Variants in NUMA1 observed in about 807,000 individuals in gnomAD.
The protein encoded by NUMA1 is nuclear mitotic apparatus protein 1.
NUMA1 carries 62 observed loss-of-function variants against 237.1 expected under a neutral mutation model. The observed-to-expected ratio is 0.26, with a 90% confidence interval of 0.21 to 0.32. The LOEUF (loss-of-function observed/expected upper bound fraction) is 0.32, where lower values mean the gene tolerates loss of function less well. NUMA1 is among the 10% of genes least tolerant of loss of function. NUMA1 has a pLI of 1.00. For synonymous variants in NUMA1, 1,028 were observed against 1,066.1 expected (o/e 0.96, Z 0.70); for missense variants, 2,533 against 2,666.5 (o/e 0.95, Z 1.10).
In NUMA1 at chr11:72,015,143, C is replaced by T. The variant is rs200110896; in HGVS notation, c.2360G>A (p.Arg787Gln). ...AHQAETEVLR[R>Q]ELAEAMAAQH... The stretch of plus-strand genomic sequence containing the variant: ...GGCAGCCATGGCCTCTGCCAGCTCC[C>T]GCCGCAGGACTTCAGTCTCAGCCTG... Residue 787 changes from arginine to glutamine, a missense_variant, in exon 15 of 27, where the codon CGG becomes CAG. By Grantham distance (43) the Arg-to-Gln change is conservative. This residue lies in a region of NUMA1 where 1,414 missense variants were observed against 1,508.1 expected (regional missense o/e 0.94). Coordinates refer to ENST00000393695, the MANE Select transcript of NUMA1 (RefSeq NM_006185.4). This position sits in a 1 kb window ranked among gnomAD's most constrained non-coding sequence, Gnocchi z 4.0. 6.3e-5 allele frequency: 102 copies of T among 1,613,442 alleles called. 1 individual carries two copies. In the Middle Eastern group the frequency reaches 6.6e-4, roughly 10 times the overall value.
At position 72,013,860 on chromosome 11, in the gene NUMA1, G is replaced by A. The variant is rs1359906978; in HGVS notation, c.3643C>T (p.Arg1215Trp). The A allele has an allele frequency of 1.2e-5, 19 of 1,613,360 alleles. 1 individual carries two copies. Among genetic ancestry groups the A allele is most frequent in the Admixed American group, 5.0e-5 (3 of 60,008 alleles). The change falls in exon 15 of 27, where the codon CGG (arginine) becomes TGG (tryptophan). Residue 1215 changes from arginine (R) to tryptophan (W), a missense_variant. This residue lies in a region of NUMA1 where 1,414 missense variants were observed against 1,508.1 expected (regional missense o/e 0.94). Coordinates refer to ENST00000393695, the MANE Select transcript of NUMA1 (RefSeq NM_006185.4). The surrounding 1 kb of genome is among the most constrained non-coding windows in gnomAD (Gnocchi z 6.8). ...TTCCTCTCAGCCTCTTGCCGGCCCCGGGCCACCTGGGCCTTCCACTCATCT... is the reference window on the plus strand; with the variant it reads ...TTCCTCTCAGCCTCTTGCCGGCCCCAGGCCACCTGGGCCTTCCACTCATCT... ...AEDEWKAQVA[R>W]GRQEAERKNS...
intron 1 of NUMA1, among the ~76,000 whole-genome samples, chr11:72,070,399 C>G (rs891924365): frequency 6.6e-6 from 1 of 152,212 alleles, no homozygotes; most frequent in Non-Finnish European, 1.5e-5. Context: ...CTGAATTGAT[C>G]AAGCCAGTCT....
intron 1 of NUMA1, among the ~76,000 whole-genome samples, chr11:72,076,145 G>A (rs190245249): frequency 3.3e-5 from 5 of 152,262 alleles, no homozygotes; most frequent in African/African-American, 1.2e-4. Flanking sequence ...AGGCTGAGGT[G>A]GGTGGATTGC....
At position 72,029,202 on chromosome 11, in the gene NUMA1, C is replaced by T. The variant is rs563165375; in HGVS notation, c.128+3G>A. On this transcript the variant is annotated splice_donor_region_variant and intron_variant, in intron 4 of 26. Coordinates refer to ENST00000393695, the MANE Select transcript of NUMA1 (RefSeq NM_006185.4). ...GCTAGAAAGGGGTATGGTGCGTACT[C>T]ACATTCTGTCAATGATCTTGATGAA... 8.7e-6 allele frequency: 14 copies of T among 1,609,266 alleles called. No homozygotes were observed. The South Asian group carries it at 1.5e-4, about 18-fold the overall frequency.
chr11:72,046,613 A>G (rs1407512431), intron 2 of NUMA1, among the ~76,000 whole-genome samples: 1 of 151,440 alleles, frequency 6.6e-6, no homozygotes, highest in African/African-American at 2.4e-5. Flanking sequence ...GAGAGAGAGA[A>G]AGGAACAAAG....
intron 22 of NUMA1, 129 bp from the exon 23 acceptor site, chr11:72,005,498 A>G: frequency 1.2e-6 from 1 of 830,990 alleles, no homozygotes; most frequent in South Asian, 1.6e-5. Flanking sequence ...AGTCTGATTC[A>G]GTGCCGCAGG....
intron 21 of NUMA1, 61 bp from the exon 22 acceptor site, chr11:72,006,324 A>G (rs747664267): frequency 4.9e-5 from 71 of 1,456,664 alleles, no homozygotes; most frequent in Non-Finnish European, 6.5e-5. Context: ...GAAGCTTCCC[A>G]TTCCCTTCCG....
At chr11:72,057,642 G>A (rs914749582) in intron 2 of NUMA1, among the ~76,000 whole-genome samples, 2 of 151,896 alleles carry the variant, frequency 1.3e-5, no homozygotes, top group Non-Finnish European at 1.5e-5. Flanking sequence ...TACTTGGGAG[G>A]CTGAGGCATG....
chr11:72,064,326 G>A (rs1348463066), intron 2 of NUMA1, among the ~76,000 whole-genome samples: 1 of 151,850 alleles, frequency 6.6e-6, no homozygotes, highest in African/African-American at 2.4e-5. Context: ...AGCTGGGCAT[G>A]ATGGCATGCG....
chr11:72,019,623 G>A lies in NUMA1; in HGVS notation c.461-6C>T. ...ACAGGTAGAAGGCACAGGAGCTGGG[G>A]GTAAGAAATAGACAAAATAAATCAA... On this transcript the variant is annotated splice_polypyrimidine_tract_variant and splice_region_variant and intron_variant, in intron 8 of 26. Transcript: ENST00000393695. 1.2e-6 allele frequency: 2 copies of A among 1,611,736 alleles called. No homozygotes were observed. The highest frequency in any genetic ancestry group is 1.7e-6 in the Non-Finnish European group (2 of 1,178,770).
In NUMA1 at chr11:72,080,040, A is replaced by G. The variant is rs188833137; in HGVS notation, c.-103+418T>C. On this transcript the variant is annotated intron_variant, in intron 1 of 26. Coordinates refer to ENST00000393695, the MANE Select transcript of NUMA1 (RefSeq NM_006185.4). ...AAGTATAACAGGTGGTTAGAAGATT[A>G]AAAAGATAAACATTTGGCAGGTCAT... 4.8e-4 allele frequency among the ~76,000 whole-genome samples: 73 copies of G among 152,314 alleles called. 1 individual carries two copies. The highest frequency in any genetic ancestry group is 2.9e-5 in the Non-Finnish European group (2 of 68,038).
chr11:72,004,715 C>G lies in NUMA1; in HGVS notation c.5931G>C (p.Glu1977Asp), dbSNP rs371124702. ...RASMQPIQIA[E>D]GTGITTRQQR... ...GCTGCCGGGTGGTGATGCCAGTGCCCTCGGCTATCTGGATTGGCTGCATGC... is the reference window on the plus strand; with the variant it reads ...GCTGCCGGGTGGTGATGCCAGTGCCGTCGGCTATCTGGATTGGCTGCATGC... The change falls in exon 24 of 27, where the codon GAG (glutamate) becomes GAC (aspartate). Residue 1977 changes from glutamate (E) to aspartate (D), a missense_variant. Physicochemically the swap from Glu to Asp is conservative, Grantham distance 45. Transcript: ENST00000393695. 65 of 1,613,722 alleles carry G rather than the reference C, an allele frequency of 4.0e-5. No homozygotes were observed. In the East Asian group the frequency reaches 4.2e-4, roughly 11 times the overall value.
intron 3 of NUMA1, among the ~76,000 whole-genome samples, chr11:72,031,886 T>C (rs1043319131): frequency 6.6e-6 from 1 of 151,620 alleles, no homozygotes; most frequent in African/African-American, 2.4e-5. Flanking sequence ...TCCCAGTGCT[T>C]TGGGAGGACG....
intron 1 of NUMA1, among the ~76,000 whole-genome samples, chr11:72,079,029 G>C (rs765885862): frequency 6.6e-6 from 1 of 152,238 alleles, no homozygotes; most frequent in Non-Finnish European, 1.5e-5. Flanking sequence ...TCAAGAGGGA[G>C]TGCCATTCCA....
At chr11:72,007,598 G>C (rs1955830209) in intron 20 of NUMA1, 163 bp from the exon 21 acceptor site, 4 of 867,788 alleles carry the variant, frequency 4.6e-6, no homozygotes, top group Admixed American at 2.5e-5. Context: ...CTTGACCTGG[G>C]CCTTCCTTTC....
rs1250210004 is a variant in NUMA1, at chr11:72,008,708, C to A, written c.5196G>T (p.Gly1732=). 6.2e-7 allele frequency: 1 copy of A among 1,614,140 alleles called. No homozygotes were observed. The highest frequency in any genetic ancestry group is 8.5e-7 in the Non-Finnish European group (1 of 1,180,034). ...CTGACCTGGTGATACTGAGTGGGGTCCCCTCCTCGCAGCTCAGATCCAGGC... is the reference window on the plus strand; with the variant it reads ...CTGACCTGGTGATACTGAGTGGGGTACCCTCCTCGCAGCTCAGATCCAGGC... ...IDSLDLSCEE[G]TPLSITSKLP... Residue 1732 remains glycine, a synonymous_variant, in exon 20 of 27, where the codon GGG becomes GGT. Coordinates refer to ENST00000393695, the MANE Select transcript of NUMA1 (RefSeq NM_006185.4).
intron 2 of NUMA1, chr11:72,067,151 T>C (rs1191616848): frequency 6.6e-6 from 1 of 152,240 alleles, no homozygotes; most frequent in Non-Finnish European, 1.5e-5. Flanking sequence ...TGCTAGGCAC[T>C]AGGCTGGAAG....
At position 72,009,524 on chromosome 11, in the gene NUMA1, C is replaced by G. The variant is rs1169040308; in HGVS notation, c.4720-137G>C. ...GAAGCGGAAGAAAACCACACCACCCCAAATACTCTCTGCCCGACTACAGTC... is the reference window on the plus strand; with the variant it reads ...GAAGCGGAAGAAAACCACACCACCCGAAATACTCTCTGCCCGACTACAGTC... On this transcript the variant is annotated intron_variant, in intron 17 of 26. Transcript: ENST00000393695. The G allele has an allele frequency of 8.8e-6, 10 of 1,131,984 alleles. No homozygotes were observed. In the African/African-American group the frequency reaches 1.1e-4, roughly 12 times the overall value. The allele number at this position is 1,131,984 out of a possible 1,614,324, so 70.1% of individuals were successfully genotyped here.
intron 2 of NUMA1, chr11:72,067,219 T>G (rs1943240150): frequency 6.6e-6 from 1 of 152,182 alleles, no homozygotes; most frequent in African/African-American, 2.4e-5. Context: ...ATCTAAGTAT[T>G]GAAAAGCAAC....
Sources: gnomAD v4.1 joint callset for allele counts (sites outside exome capture counted in the v4.1 genomes callset) on GRCh38, gnomAD v4.1.1 for gene constraint, gnomAD v4.1.1 regional missense constraint, Gnocchi (gnomAD v3.1) non-coding constraint, MANE v1.5 for transcripts, NCBI Gene and HGNC (gene_info 2026-07-23, HGNC 2026-07-21) for gene names.